The following TAOK1 variants were observed in gnomAD, a reference collection of about 807,000 sequenced individuals.
The protein encoded by TAOK1 is serine/threonine-protein kinase TAO1.
A neutral mutation model predicts 138.3 loss-of-function variants in TAOK1; 21 were observed. That is an observed-to-expected ratio of 0.15 (90% confidence interval 0.11 to 0.22). The LOEUF (loss-of-function observed/expected upper bound fraction) is 0.22, where lower values mean the gene tolerates loss of function less well. TAOK1 is among the 10% of genes least tolerant of loss of function. TAOK1 has a pLI of 1.00. For missense variants in TAOK1, 651 were observed against 1,227.7 expected (o/e 0.53, Z 7.02); for synonymous variants, 361 against 398.4 (o/e 0.91, Z 1.12).
chr17:29,530,497 A>T lies in TAOK1; in HGVS notation c.2239A>T (p.Thr747Ser). Residue 747 changes from threonine (T) to serine (S), a missense_variant, in exon 18 of 20, where the codon ACT becomes TCT. Around this residue, in one of 8 missense-constraint regions of TAOK1, gnomAD observed 258 missense variants for 548.9 expected, o/e 0.47. Coordinates refer to ENST00000261716, the MANE Select transcript of TAOK1 (RefSeq NM_020791.4). ...AGCATTAAGAAATCACCTGCTGGAG[A>T]CTACACCAAAGAGTGAGCACAAAGC... ...YKALRNHLLETTPKSEHKAVL... is the reference protein window; with the variant it reads ...YKALRNHLLESTPKSEHKAVL... The T allele has an allele frequency of 1.2e-6, 2 of 1,614,042 alleles. No individual in the cohort carries two copies. Among genetic ancestry groups the T allele is most frequent in the Non-Finnish European group, 1.7e-6 (2 of 1,180,022 alleles).
intron 3 of TAOK1, among the ~76,000 whole-genome samples, chr17:29,473,880 C>T (rs961203324): frequency 6.6e-6 from 1 of 151,984 alleles, no homozygotes; most frequent in African/African-American, 2.4e-5. Flanking sequence ...TACAGGCACG[C>T]ATCACCACAC....
At chr17:29,493,287 G>A (rs1318787938) in intron 10 of TAOK1, among the ~76,000 whole-genome samples, 1 of 151,956 alleles carries the variant, frequency 6.6e-6, no homozygotes, top group Non-Finnish European at 1.5e-5. Flanking sequence ...CTGAGGTTGG[G>A]AGTTCGAGAC....
chr17:29,391,849 A>G (rs1049338302), intron 1 of TAOK1, among the ~76,000 whole-genome samples: 2 of 152,192 alleles, frequency 1.3e-5, no homozygotes, highest in Non-Finnish European at 2.9e-5. Flanking sequence ...GATTTTAGTT[A>G]GAATTCAAAT....
At chr17:29,458,763 C>T (rs1598489586) in intron 2 of TAOK1, among the ~76,000 whole-genome samples, 2 of 152,182 alleles carry the variant, frequency 1.3e-5, no homozygotes, top group East Asian at 1.9e-4. Flanking sequence ...ATTGCAATCT[C>T]GCCCCACTGC....
At chr17:29,463,694 T>C (rs1458738515) in intron 2 of TAOK1, among the ~76,000 whole-genome samples, 2 of 152,174 alleles carry the variant, frequency 1.3e-5, no homozygotes, top group Non-Finnish European at 2.9e-5. Flanking sequence ...AAAGCCTTCT[T>C]AGATGGGACA....
At chr17:29,526,756 A>G (rs1031150598) in intron 17 of TAOK1, among the ~76,000 whole-genome samples, 1 of 148,010 alleles carries the variant, frequency 6.8e-6, no homozygotes, top group Non-Finnish European at 1.5e-5. Flanking sequence ...CCTGAGCAAC[A>G]TAGTGAGACC....
chr17:29,495,528 A>G lies in TAOK1; in HGVS notation c.832-32A>G, dbSNP rs768191061. On this transcript the variant is annotated intron_variant, in intron 10 of 19. Transcript: ENST00000261716. ...GAGTACCTTGTCACTAATTGAAAAA[A>G]AAATCAACCTTTTACCTTCTACCCT... 1.2e-5 allele frequency: 18 copies of G among 1,521,560 alleles called. No individual in the cohort carries two copies. In the South Asian group the frequency reaches 2.2e-4, roughly 18 times the overall value. The allele number at this position is 1,521,560 out of a possible 1,614,324, so 94.3% of individuals were successfully genotyped here.
chr17:29,542,418 A>T, intron 19 of TAOK1, 143 bp from the exon 20 acceptor site: 1 of 684,276 alleles, frequency 1.5e-6, no homozygotes, highest in South Asian at 4.3e-5. Context: ...AATTAAAGGG[A>T]AAAAGTTTAA....
intron 17 of TAOK1, among the ~76,000 whole-genome samples, chr17:29,525,101 T>TTTTTTG (rs1555567732): frequency 4.0e-5 from 6 of 151,792 alleles, no homozygotes; most frequent in Admixed American, 6.6e-5. Flanking sequence ...ATGTTTGTTT[T>TTTTTTG]TTTTGTTTTG....
intron 1 of TAOK1, among the ~76,000 whole-genome samples, chr17:29,411,088 G>T (rs77709118): frequency 1.2e-3 from 115 of 93,982 alleles, no homozygotes; most frequent in African/African-American, 3.3e-3. Context: ...TCTTTTTACT[G>T]TTTTTTTTTT....
At chr17:29,457,333 C>T (rs2030408719) in intron 2 of TAOK1, among the ~76,000 whole-genome samples, 3 of 144,302 alleles carry the variant, frequency 2.1e-5, no homozygotes. Context: ...GAACTCCTGA[C>T]CTCAGGTGAT....
intron 1 of TAOK1, among the ~76,000 whole-genome samples, chr17:29,431,646 T>A (rs1429574181): frequency 6.8e-6 from 1 of 148,022 alleles, no homozygotes; most frequent in East Asian, 2.0e-4. Context: ...ATAAGTTAAA[T>A]TTTTTTTTTT....
rs780817580 is a variant in TAOK1 at position 29,439,428 on chromosome 17, C to T, written c.-94-12027C>T. Among the ~76,000 whole-genome samples, 11 of 152,184 alleles carry T rather than the reference C, an allele frequency of 7.2e-5. No homozygotes were observed. The South Asian group carries it at 8.3e-4, about 12-fold the overall frequency. Reference sequence around the variant, plus strand: ...CCATGTTGATCAGGCTGGTCTTGAACTCCTGACCTTGTGATCTGCCGGCTT... The same window carrying T: ...CCATGTTGATCAGGCTGGTCTTGAATTCCTGACCTTGTGATCTGCCGGCTT... On this transcript the variant is annotated intron_variant, in intron 1 of 19. Transcript: ENST00000261716.
intron 1 of TAOK1, among the ~76,000 whole-genome samples, chr17:29,416,442 C>A (rs1281419109): frequency 6.6e-6 from 1 of 151,848 alleles, no homozygotes; most frequent in Non-Finnish European, 1.5e-5. Flanking sequence ...AAAAGCTAGT[C>A]TTAAGACTTC....
rs1236124392 is a variant in TAOK1 at position 29,545,935 on chromosome 17, A to G, written c.*2913A>G. Reference sequence around the variant, plus strand: ...CTGGTATCCAGAGGCTGGCTGTAAAAAGTTCCTTGGGGTCACTCTATCTCA... The same window carrying G: ...CTGGTATCCAGAGGCTGGCTGTAAAGAGTTCCTTGGGGTCACTCTATCTCA... On this transcript the variant is annotated 3_prime_UTR_variant, in exon 20 of 20. Transcript: ENST00000261716. 1.3e-5 allele frequency: 2 copies of G among 152,090 alleles called. No homozygotes were observed. Among genetic ancestry groups the G allele is most frequent in the African/African-American group, 2.4e-5 (1 of 41,434 alleles). The allele number at this position is 152,090 out of a possible 1,614,324, so 9.4% of individuals were successfully genotyped here.
intron 1 of TAOK1, among the ~76,000 whole-genome samples, chr17:29,425,479 G>C (rs951672826): frequency 6.6e-6 from 1 of 152,166 alleles, no homozygotes; most frequent in South Asian, 2.1e-4. Context: ...ACGAGTTTGA[G>C]ACCAGCCTGG....
At position 29,498,306 on chromosome 17, in the gene TAOK1, C is replaced by CT; in HGVS notation, c.1000-8dup. The CT allele has an allele frequency of 6.2e-7, 1 of 1,613,958 alleles. No individual in the cohort carries two copies. ...TAATATTTGAACTGAACTGAATGTC[C>CT]TTTTCTCTTAGGAACAAGATCATGG... On this transcript the variant is annotated splice_polypyrimidine_tract_variant and intron_variant, in intron 11 of 19. Transcript: ENST00000261716.
chr17:29,502,072 CAT>C (rs759913998), intron 12 of TAOK1, among the ~76,000 whole-genome samples: 15 of 152,178 alleles, frequency 9.9e-5, no homozygotes, highest in Non-Finnish European at 1.3e-4. Context: ...TCAATCTAGT[CAT>C]GTGCATTTTC....
intron 6 of TAOK1, among the ~76,000 whole-genome samples, chr17:29,479,405 TG>T (rs2153026727): frequency 6.6e-6 from 1 of 152,278 alleles, no homozygotes; most frequent in East Asian, 1.9e-4. Context: ...GGATAAGATC[TG>T]AGAGATACCC....
Sources: allele counts gnomAD v4.1 joint callset (sites outside exome capture counted in the v4.1 genomes callset), GRCh38; gene constraint gnomAD v4.1.1; regional missense constraint gnomAD v4.1.1; transcripts MANE v1.5; gene names NCBI Gene and HGNC (gene_info 2026-07-23, HGNC 2026-07-21).